DCP1B: variants seen among roughly 807,000 people sequenced by gnomAD.
The protein encoded by DCP1B is mRNA-decapping enzyme 1B.
DCP1B carries 47 observed loss-of-function variants against 60.5 expected under a neutral mutation model. The observed-to-expected ratio is 0.78, with a 90% confidence interval of 0.61 to 0.99. The LOEUF (loss-of-function observed/expected upper bound fraction) is 0.99. Ranked by LOEUF, DCP1B falls within the 50% of genes least tolerant of loss-of-function variation. The pLI is 0.00. For synonymous variants in DCP1B, 267 were observed against 280.3 expected (o/e 0.95, Z 0.47); for missense variants, 725 against 756.8 (o/e 0.96, Z 0.49).
chr12:1,955,491 T>G lies in DCP1B; in HGVS notation c.592A>C (p.Lys198Gln). Residue 198 changes from lysine (K) to glutamine (Q), a missense_variant, in exon 6 of 9, where the codon AAA becomes CAA. Lys to Gln is a moderately conservative substitution (Grantham distance 53). Transcript: ENST00000280665. ...SAIYDNPNLIKPIPVKPSENQ... is the reference protein window; with the variant it reads ...SAIYDNPNLIQPIPVKPSENQ... The stretch of plus-strand genomic sequence containing the variant: ...TCACTGGGTTTCACTGGAATTGGTT[T>G]GATGAGATTTGGATTGTCATAGATG... 2 of 1,614,034 alleles carry G rather than the reference T, an allele frequency of 1.2e-6. No individual in the cohort carries two copies. The highest frequency in any genetic ancestry group is 1.7e-6 in the Non-Finnish European group (2 of 1,179,896).
chr12:1,967,735 G>C, intron 4 of DCP1B, 109 bp downstream of exon 4: 1 of 872,174 alleles, frequency 1.1e-6, no homozygotes, highest in Non-Finnish European at 1.8e-6. Context: ...CAGTGAAAAG[G>C]ACTGCTATGG....
At chr12:1,972,421 A>AACGAGTCATATG (rs2032695187) in intron 3 of DCP1B, among the ~76,000 whole-genome samples, 1 of 152,242 alleles carries the variant, frequency 6.6e-6, no homozygotes, top group Non-Finnish European at 1.5e-5. Flanking sequence ...ATGACTCGTT[A>AACGAGTCATATG]CTAGCATATG....
rs891093615 is a variant in DCP1B, at chr12:1,971,428, C to T, written c.320-3518G>A. Among the ~76,000 whole-genome samples, 10 of 152,166 alleles carry T rather than the reference C, an allele frequency of 6.6e-5. No individual in the cohort carries two copies. In the South Asian group the frequency reaches 1.0e-3, roughly 16 times the overall value. ...TGAAAAAAAGTGATGTTTGAGGCAA[C>T]AGGCAATGCAATACTGCCTTTACAT... On this transcript the variant is annotated intron_variant, in intron 3 of 8. Transcript: ENST00000280665. This position sits in a 1 kb window ranked among gnomAD's most constrained non-coding sequence, Gnocchi z 4.2.
In DCP1B at chr12:1,946,286, T is replaced by C; in HGVS notation, c.1774A>G (p.Asn592Asp). The C allele has an allele frequency of 6.3e-7, 1 of 1,599,320 alleles. No individual in the cohort carries two copies. The change falls in exon 9 of 9, where the codon AAT (asparagine) becomes GAT (aspartate). Residue 592 changes from asparagine (N) to aspartate (D), a missense_variant and splice_region_variant. Asn to Asp is a conservative substitution (Grantham distance 23). Transcript: ENST00000280665. ...ATTATATTTAAGAAGTTGTCATCAT[T>C]CTGGAAAACAAATCGAAAGACCCAA... The part of the protein sequence containing the change: ...LQEALLYLIQ[N>D]DDNFLNIIYE...
In DCP1B at chr12:1,965,329, T is replaced by C. The variant is rs111348559; in HGVS notation, c.522+229A>G. On this transcript the variant is annotated intron_variant, in intron 5 of 8. Coordinates refer to ENST00000280665, the MANE Select transcript of DCP1B (RefSeq NM_152640.5). ...AGGTTATTGTATACATGAAGGCTAT[T>C]GTATATATGAAGGCTACTGATTTCT... 4.6e-5 allele frequency among the ~76,000 whole-genome samples: 7 copies of C among 152,320 alleles called. 1 individual carries two copies. The highest frequency in any genetic ancestry group is 1.7e-4 in the African/African-American group (7 of 41,572).
intron 6 of DCP1B, among the ~76,000 whole-genome samples, chr12:1,954,510 T>C (rs2030808046): frequency 6.7e-6 from 1 of 149,746 alleles, no homozygotes; most frequent in Admixed American, 6.7e-5. Flanking sequence ...TTGACAATTT[T>C]TGTCATTGCT....
In DCP1B at chr12:1,971,137, G is replaced by A; in HGVS notation, c.320-3227C>T. On this transcript the variant is annotated intron_variant, in intron 3 of 8. Transcript: ENST00000280665. The surrounding 1 kb of genome is among the most constrained non-coding windows in gnomAD (Gnocchi z 4.2). ...CCAGCCACCTGTCTGCCAACACGGA[G>A]GTCAAGTTTAAGGGTACTTTGGTGC... The A allele has an allele frequency of 7.8e-7, 1 of 1,289,408 alleles. No individual in the cohort carries two copies. The highest frequency in any genetic ancestry group is 1.0e-6 in the Non-Finnish European group (1 of 988,530). 79.9% of individuals were successfully genotyped at this position (1,289,408 alleles called of 1,614,324 possible). A position where few individuals can be genotyped will look rare whatever the true frequency, so the allele number is the denominator to read the frequency against.
intron 2 of DCP1B, among the ~76,000 whole-genome samples, chr12:1,994,161 A>T (rs1262067974): frequency 6.6e-6 from 1 of 152,230 alleles, no homozygotes; most frequent in Non-Finnish European, 1.5e-5. Context: ...ATGTGCATTC[A>T]TCTACCCTTG....
intron 3 of DCP1B, among the ~76,000 whole-genome samples, chr12:1,974,128 A>G (rs952584749): frequency 6.6e-6 from 1 of 152,192 alleles, no homozygotes; most frequent in Non-Finnish European, 1.5e-5. Context: ...ACATTCAACA[A>G]ATACTTGCTG....
chr12:1,952,666 TC>T lies in DCP1B; in HGVS notation c.1273del (p.Glu425AsnfsTer22). ...QTVGHQAHGR[E>X]QSTLPRQTLP... ...TGTTTGTCTTGGGAGTGTGGACTGTTCTCTTCCATGAGCCTGATGTCCTACT... is the reference window on the plus strand; with the variant it reads ...TGTTTGTCTTGGGAGTGTGGACTGTTTCTTCCATGAGCCTGATGTCCTACT... On this transcript the variant is annotated frameshift_variant, in exon 7 of 9. Transcript: ENST00000280665. LOFTEE classifies it high-confidence loss of function. 6.2e-7 allele frequency: 1 copy of T among 1,614,124 alleles called. No individual in the cohort carries two copies. The highest frequency in any genetic ancestry group is 2.2e-5 in the East Asian group (1 of 44,868).
At chr12:1,980,053 A>G (rs540214260) in intron 3 of DCP1B, among the ~76,000 whole-genome samples, 1 of 152,338 alleles carries the variant, frequency 6.6e-6, no homozygotes, top group Non-Finnish European at 1.5e-5. Flanking sequence ...ATAACTGTTC[A>G]GCAGTATCTC....
rs905364351 is a variant in DCP1B at position 2,001,822 on chromosome 12, T to C, written c.150+2460A>G. 1.3e-4 allele frequency among the ~76,000 whole-genome samples: 20 copies of C among 152,200 alleles called. 1 individual carries two copies. Among genetic ancestry groups the C allele is most frequent in the Non-Finnish European group, 2.6e-4 (18 of 68,024 alleles). On this transcript the variant is annotated intron_variant, in intron 1 of 8. Coordinates refer to ENST00000280665, the MANE Select transcript of DCP1B (RefSeq NM_152640.5). ...TTTTCAGGCTCAGCATTCCCTGGCC[T>C]CTACTCTATAGATGTCACAACACTC...
intron 5 of DCP1B, 81 bp from the exon 6 acceptor site, chr12:1,955,641 T>G (rs1023439135): frequency 1.4e-6 from 2 of 1,470,682 alleles, no homozygotes; most frequent in Non-Finnish European, 9.1e-7. Context: ...TTACTTCTTA[T>G]CTAATTGGTA....
chr12:1,979,793 T>G (rs944981935), intron 3 of DCP1B, among the ~76,000 whole-genome samples: 1 of 152,248 alleles, frequency 6.6e-6, no homozygotes, highest in Non-Finnish European at 1.5e-5. Context: ...CTTTTTAATT[T>G]TAGCCATTCT....
chr12:1,951,167 C>G (rs1364235090), intron 7 of DCP1B, among the ~76,000 whole-genome samples: 1 of 152,066 alleles, frequency 6.6e-6, no homozygotes, highest in Non-Finnish European at 1.5e-5. Context: ...CCCTGCTACT[C>G]AGGAGGCTGA....
chr12:2,004,231 C>T, intron 1 of DCP1B, 51 bp downstream of exon 1: 2 of 1,605,342 alleles, frequency 1.2e-6, no homozygotes, highest in Non-Finnish European at 1.7e-6. Context: ...CTGACGCCCC[C>T]CGCCTCCACC....
intron 7 of DCP1B, 38 bp downstream of exon 7, chr12:1,952,378 G>T (rs369897163): frequency 8.0e-6 from 12 of 1,508,770 alleles, no homozygotes; most frequent in Admixed American, 4.4e-5. Flanking sequence ...TTGCTATGCT[G>T]CCCAGGCTGT....
At position 1,958,842 on chromosome 12, in the gene DCP1B, CCAACG is replaced by C. The variant is rs1222228116; in HGVS notation, c.523-3287_523-3283del. ...TGGAAGGAAACAGGGGAAAAGCTCC[CCAACG>C]TCGCTTTGGGCAATGACTTTTTCTA... On this transcript the variant is annotated intron_variant, in intron 5 of 8. Transcript: ENST00000280665. Among the ~76,000 whole-genome samples, 33 of 74,950 alleles carry C rather than the reference CCAACG, an allele frequency of 4.4e-4. 1 individual carries two copies. Among genetic ancestry groups the C allele is most frequent in the Non-Finnish European group, 7.1e-4 (28 of 39,476 alleles). The allele number at this position is 74,950 out of a possible 152,430, so 49.2% of individuals were successfully genotyped here.
intron 4 of DCP1B, among the ~76,000 whole-genome samples, chr12:1,966,961 T>C (rs1042660827): frequency 1.3e-5 from 2 of 152,202 alleles, no homozygotes; most frequent in Admixed American, 6.5e-5. Context: ...TACAGTGTCA[T>C]ACCCATGTGG....
Sources: gnomAD v4.1 joint callset for allele counts (sites outside exome capture counted in the v4.1 genomes callset) on GRCh38, gnomAD v4.1.1 for gene constraint, Gnocchi (gnomAD v3.1) non-coding constraint, MANE v1.5 for transcripts, NCBI Gene and HGNC (gene_info 2026-07-23, HGNC 2026-07-21) for gene names.